The following UBE2G1 variants were observed in gnomAD, a reference collection of about 807,000 sequenced individuals.
The protein encoded by UBE2G1 is ubiquitin conjugating enzyme E2 G1.
A neutral mutation model predicts 22.7 loss-of-function variants in UBE2G1; 5 were observed. That is an observed-to-expected ratio of 0.22 (90% confidence interval 0.12 to 0.46). UBE2G1 has a LOEUF of 0.46. Among genes scored for constraint, UBE2G1 ranks in the 20% least tolerant of loss-of-function variants. The probability of loss-of-function intolerance (pLI) is 0.99; values close to 1 mark genes in which losing one functional copy is unlikely to be tolerated. For synonymous variants in UBE2G1, 74 were observed against 67.5 expected (o/e 1.10, Z -0.47); for missense variants, 88 against 203.9 (o/e 0.43, Z 3.46).
At chr17:4,304,598 G>C (rs1455063723) in intron 2 of UBE2G1, among the ~76,000 whole-genome samples, 2 of 152,242 alleles carry the variant, frequency 1.3e-5, no homozygotes, top group African/African-American at 4.8e-5. Flanking sequence ...ACTGAAAAGA[G>C]AGTGGAGCGC....
chr17:4,350,158 T>C (rs1969828498), intron 1 of UBE2G1, among the ~76,000 whole-genome samples: 1 of 152,148 alleles, frequency 6.6e-6, no homozygotes, highest in Non-Finnish European at 1.5e-5. Flanking sequence ...ATGGCTAATG[T>C]AACTAACTTA....
intron 2 of UBE2G1, chr17:4,302,513 C>G: frequency 4.4e-6 from 2 of 457,420 alleles, no homozygotes; most frequent in Non-Finnish European, 8.8e-6. Context: ...GCCATCATTT[C>G]CATCACTGCT....
intron 1 of UBE2G1, among the ~76,000 whole-genome samples, chr17:4,343,265 C>A (rs545112214): frequency 6.6e-6 from 1 of 152,256 alleles, no homozygotes; most frequent in South Asian, 2.1e-4. Flanking sequence ...TTTACATGAT[C>A]CTATGGCTTA....
chr17:4,338,729 T>C (rs903202307), intron 1 of UBE2G1, among the ~76,000 whole-genome samples: 1 of 152,210 alleles, frequency 6.6e-6, no homozygotes, highest in African/African-American at 2.4e-5. Flanking sequence ...CTCAAAACAA[T>C]TTGATGATCT....
chr17:4,302,162 G>T (rs931861046), intron 2 of UBE2G1: 14 of 516,654 alleles, frequency 2.7e-5, no homozygotes, highest in Non-Finnish European at 5.5e-5. Context: ...TTGGACTTGG[G>T]AAAGTTTTCT....
chr17:4,287,258 C>T (rs376186367), intron 4 of UBE2G1, among the ~76,000 whole-genome samples: 1 of 152,018 alleles, frequency 6.6e-6, no homozygotes, highest in East Asian at 1.9e-4. Flanking sequence ...GCGCCTGCCA[C>T]CACGCCTGGC....
intron 1 of UBE2G1, among the ~76,000 whole-genome samples, chr17:4,331,084 T>C (rs1248049625): frequency 6.6e-6 from 1 of 151,996 alleles, no homozygotes; most frequent in African/African-American, 2.4e-5. Context: ...GAATCAAACA[T>C]TTTTTAAAGT....
chr17:4,304,506 TGAGTATGACTGAATTAA>T (rs1197235961), intron 2 of UBE2G1, among the ~76,000 whole-genome samples: 1 of 152,146 alleles, frequency 6.6e-6, no homozygotes, highest in Admixed American at 6.5e-5. Flanking sequence ...TATATAAATA[TGAGTATGACTGAATTAA>T]GACTTGTGGC....
chr17:4,342,396 A>G (rs1969721871), intron 1 of UBE2G1, among the ~76,000 whole-genome samples: 1 of 152,192 alleles, frequency 6.6e-6, no homozygotes, highest in South Asian at 2.1e-4. Context: ...TTAGGAGGCC[A>G]GGCTGGACAA....
intron 4 of UBE2G1, among the ~76,000 whole-genome samples, chr17:4,288,789 G>GT (rs1969000807): frequency 6.6e-6 from 1 of 152,282 alleles, no homozygotes; most frequent in African/African-American, 2.4e-5. Flanking sequence ...AATAAAATTA[G>GT]TAAGTATGTG....
At chr17:4,323,019 C>T (rs1031160877) in intron 1 of UBE2G1, among the ~76,000 whole-genome samples, 28 of 152,174 alleles carry the variant, frequency 1.8e-4, no homozygotes, top group Non-Finnish European at 3.4e-4. Flanking sequence ...AAATGCATAA[C>T]ATTAAATATC....
chr17:4,365,962 G>C (rs919417285), intron 1 of UBE2G1, among the ~76,000 whole-genome samples: 1 of 152,050 alleles, frequency 6.6e-6, no homozygotes, highest in African/African-American at 2.4e-5. Context: ...CCGGCCTGGG[G>C]ACCCGCACAC....
At chr17:4,297,658 T>C (rs1202443381) in intron 2 of UBE2G1, among the ~76,000 whole-genome samples, 3 of 152,208 alleles carry the variant, frequency 2.0e-5, no homozygotes, top group Non-Finnish European at 2.9e-5. Flanking sequence ...GTACTAAATA[T>C]TTCCTCTGTT....
Position 4,275,339 on chromosome 17 carries a change from T to C in UBE2G1, c.*38-2823A>G, listed in dbSNP as rs1205128568. 2.0e-5 allele frequency among the ~76,000 whole-genome samples: 3 copies of C among 152,204 alleles called. No individual in the cohort carries two copies. The South Asian group carries it at 6.2e-4, about 31-fold the overall frequency. On this transcript the variant is annotated intron_variant, in intron 5 of 5. Transcript: ENST00000396981. ...GAATTAACCAGCACAACACTGCAAATAAATGGTGCTGACTTGCAACAGTCA... is the reference window on the plus strand; with the variant it reads ...GAATTAACCAGCACAACACTGCAAACAAATGGTGCTGACTTGCAACAGTCA...
chr17:4,274,616 T>C (rs1320059029), intron 5 of UBE2G1, among the ~76,000 whole-genome samples: 1 of 152,244 alleles, frequency 6.6e-6, no homozygotes, highest in Non-Finnish European at 1.5e-5. Context: ...GACTGCTATA[T>C]GTCTTTCCAA....
chr17:4,276,985 A>G (rs1968828944), intron 5 of UBE2G1, among the ~76,000 whole-genome samples: 1 of 152,260 alleles, frequency 6.6e-6, no homozygotes, highest in African/African-American at 2.4e-5. Context: ...GGTAAGCACC[A>G]GCGATTCCTA....
intron 2 of UBE2G1, among the ~76,000 whole-genome samples, chr17:4,297,187 G>A (rs965615782): frequency 7.9e-5 from 12 of 152,144 alleles, no homozygotes; most frequent in African/African-American, 2.9e-4. Context: ...CTAGCCAGTC[G>A]TCTTTCTATT....
intron 4 of UBE2G1, 25 bp from the exon 5 acceptor site, chr17:4,282,946 A>C: frequency 6.3e-7 from 1 of 1,585,202 alleles, no homozygotes; most frequent in South Asian, 1.1e-5. Context: ...AGCAGTATCA[A>C]GTGATTTCAT....
chr17:4,363,285 A>T (rs557297177), intron 1 of UBE2G1, among the ~76,000 whole-genome samples: 3 of 152,344 alleles, frequency 2.0e-5, no homozygotes, highest in African/African-American at 7.2e-5. Context: ...AAAAAAAATT[A>T]AAAACAATCC....
Sources: allele counts gnomAD v4.1 joint callset (sites outside exome capture counted in the v4.1 genomes callset), GRCh38; gene constraint gnomAD v4.1.1; transcripts MANE v1.5; gene names NCBI Gene and HGNC (gene_info 2026-07-23, HGNC 2026-07-21).